The following PLEKHA7 variants were observed in gnomAD, a reference collection of about 807,000 sequenced individuals.
PLEKHA7 encodes the protein pleckstrin homology domain-containing family A member 7.
PLEKHA7 carries 104 observed loss-of-function variants against 170.0 expected under a neutral mutation model. The ratio of observed to expected loss-of-function variants is 0.61; its 90% CI spans 0.52 to 0.72. PLEKHA7 has a LOEUF of 0.72. PLEKHA7 is among the 30% of genes least tolerant of loss of function. PLEKHA7 has a pLI of 0.00. For synonymous variants in PLEKHA7, 648 were observed against 660.8 expected, an observed-to-expected ratio of 0.98 and a Z score of 0.30; for missense variants, 1,615 against 1,671.7, an observed-to-expected ratio of 0.97 and a Z score of 0.59.
rs1280616785 is a variant in PLEKHA7 at position 17,008,431 on chromosome 11, T to G, written c.221+5558A>C. ...CCAGCCAGCTTCCTGCTTTGAGCAT[T>G]GTTCTCAACAGCAAGCGACTGTATC... On this transcript the variant is annotated intron_variant, in intron 3 of 26. Transcript: ENST00000531066. 4.6e-5 allele frequency among the ~76,000 whole-genome samples: 7 copies of G among 152,332 alleles called. No homozygotes were observed. In the East Asian group the frequency reaches 1.3e-3, roughly 29 times the overall value.
intron 3 of PLEKHA7, among the ~76,000 whole-genome samples, chr11:16,927,002 G>A (rs527952200): frequency 6.6e-6 from 1 of 150,632 alleles, no homozygotes; most frequent in East Asian, 2.0e-4. Context: ...TGGTATCAGT[G>A]TCTCTATCTA....
intron 3 of PLEKHA7, among the ~76,000 whole-genome samples, chr11:16,902,098 T>A (rs1410051884): frequency 6.6e-6 from 1 of 152,216 alleles, no homozygotes; most frequent in Non-Finnish European, 1.5e-5. Flanking sequence ...CTAGGTCATC[T>A]TTTGTGACTG....
rs138177943 is a variant in PLEKHA7, at chr11:16,836,118, A to G, written c.872+5429T>C. Among the ~76,000 whole-genome samples the G allele has an allele frequency of 6.9e-3, 1,055 of 152,328 alleles. 12 individuals carry two copies. Among genetic ancestry groups the G allele is most frequent in the African/African-American group, 0.024 (992 of 41,574 alleles). On this transcript the variant is annotated intron_variant, in intron 9 of 26. Transcript: ENST00000531066. ...AATCAGTATGAATCTCAGAGCTTCT[A>G]GACCAGACTCTGGCTCTTTCCTACT...
intron 3 of PLEKHA7, among the ~76,000 whole-genome samples, chr11:16,947,896 A>G (rs1245992594): frequency 6.7e-6 from 1 of 149,804 alleles, no homozygotes; most frequent in African/African-American, 2.5e-5. Context: ...AGCTTGGGCT[A>G]TAGAGTAAGA....
chr11:16,907,651 C>T (rs1423783656), intron 3 of PLEKHA7, among the ~76,000 whole-genome samples: 1 of 131,026 alleles, frequency 7.6e-6, no homozygotes, highest in Non-Finnish European at 1.8e-5. Flanking sequence ...AGTAAGGAGC[C>T]CCTCTGCCCG....
intron 3 of PLEKHA7, among the ~76,000 whole-genome samples, chr11:16,887,727 A>G (rs530813069): frequency 1.3e-5 from 2 of 152,346 alleles, no homozygotes; most frequent in East Asian, 3.9e-4. Context: ...GTGCAGTGGC[A>G]TGATCTTGGC....
chr11:16,928,106 C>T (rs1217033469), intron 3 of PLEKHA7, among the ~76,000 whole-genome samples: 3 of 152,124 alleles, frequency 2.0e-5, no homozygotes, highest in Non-Finnish European at 4.4e-5. Context: ...ATGTCATCCT[C>T]ACAACAAGTA....
At position 16,789,038 on chromosome 11, in the gene PLEKHA7, C is replaced by T; in HGVS notation, c.3357+58G>A. On this transcript the variant is annotated intron_variant, in intron 23 of 26. Transcript: ENST00000531066. This position sits in a 1 kb window ranked among gnomAD's most constrained non-coding sequence, Gnocchi z 4.6. Reference sequence around the variant, plus strand: ...GTGTGATGTGCTTGTGTTTGGGGGACTCTGAGGGGCACTCGGCTCCCTGTC... The same window carrying T: ...GTGTGATGTGCTTGTGTTTGGGGGATTCTGAGGGGCACTCGGCTCCCTGTC... 6.4e-7 allele frequency: 1 copy of T among 1,556,150 alleles called. No homozygotes were observed. The highest frequency in any genetic ancestry group is 1.2e-5 in the South Asian group (1 of 86,406).
chr11:16,984,959 G>T (rs1863638699), intron 3 of PLEKHA7, among the ~76,000 whole-genome samples: 1 of 152,216 alleles, frequency 6.6e-6, no homozygotes, highest in African/African-American at 2.4e-5. Flanking sequence ...ACAGAAGTGG[G>T]ATTAAAATTG....
intron 3 of PLEKHA7, among the ~76,000 whole-genome samples, chr11:16,908,696 A>G (rs1207626680): frequency 6.6e-6 from 1 of 152,106 alleles, no homozygotes; most frequent in African/African-American, 2.4e-5. Context: ...GTGTTTCACC[A>G]CGTTGGCCAG....
chr11:16,826,866 CTT>C (rs551321402), intron 9 of PLEKHA7, among the ~76,000 whole-genome samples: 81 of 152,330 alleles, frequency 5.3e-4, no homozygotes, highest in African/African-American at 1.9e-3. Context: ...TGAACCATAA[CTT>C]TGTTTACTCA....
At chr11:16,822,511 A>C (rs1271536648) in intron 10 of PLEKHA7, among the ~76,000 whole-genome samples, 5 of 122,924 alleles carry the variant, frequency 4.1e-5, no homozygotes, top group Non-Finnish European at 9.4e-5. Flanking sequence ...GGAAAAAAAA[A>C]AAAAAAAAAA....
intron 26 of PLEKHA7, among the ~76,000 whole-genome samples, 176 bp downstream of exon 26, chr11:16,782,578 G>A (rs1232402279): frequency 6.6e-6 from 1 of 152,178 alleles, no homozygotes; most frequent in Non-Finnish European, 1.5e-5. Flanking sequence ...TCCCTTCCAA[G>A]TCCTGCTGTG....
chr11:16,926,525 T>C (rs1054974387), intron 3 of PLEKHA7, among the ~76,000 whole-genome samples: 13 of 152,176 alleles, frequency 8.5e-5, no homozygotes, highest in Admixed American at 2.6e-4. Context: ...CTATATTAAA[T>C]ACAGAACAAG....
chr11:16,927,435 T>TC (rs1425644749), intron 3 of PLEKHA7, among the ~76,000 whole-genome samples: 4 of 152,126 alleles, frequency 2.6e-5, no homozygotes, highest in Non-Finnish European at 5.9e-5. Context: ...AGAAATGGCC[T>TC]CCAAAGCCCA....
At chr11:16,970,496 T>TA (rs1318061643) in intron 3 of PLEKHA7, among the ~76,000 whole-genome samples, 5 of 151,626 alleles carry the variant, frequency 3.3e-5, no homozygotes, top group Admixed American at 3.3e-4. Flanking sequence ...CTTGTCTCTG[T>TA]AAAAAATAAA....
At chr11:16,788,934 C>T in intron 23 of PLEKHA7, 162 bp downstream of exon 23, 1 of 874,074 alleles carries the variant, frequency 1.1e-6, no homozygotes, top group Non-Finnish European at 1.7e-6. Flanking sequence ...GGCATTCGTC[C>T]AGCCTGGGTC....
chr11:16,841,434 G>T, intron 9 of PLEKHA7, 113 bp downstream of exon 9: 1 of 1,176,028 alleles, frequency 8.5e-7, no homozygotes. Flanking sequence ...ATAAAGAGAG[G>T]GCAATGCTTA....
intron 9 of PLEKHA7, among the ~76,000 whole-genome samples, chr11:16,836,334 G>A (rs1851509782): frequency 6.6e-6 from 1 of 152,222 alleles, no homozygotes. Context: ...CTAAAGCCAG[G>A]TCTATCTTGA....
Sources: gnomAD v4.1 joint callset for allele counts (sites outside exome capture counted in the v4.1 genomes callset) on GRCh38, gnomAD v4.1.1 for gene constraint, Gnocchi (gnomAD v3.1) non-coding constraint, MANE v1.5 for transcripts, NCBI Gene and HGNC (gene_info 2026-07-23, HGNC 2026-07-21) for gene names.